WDR49: variants seen among roughly 807,000 people sequenced by gnomAD.
WDR49 encodes cilia- and flagella-associated protein 337.
Under a neutral mutation model 119.5 loss-of-function variants are expected in WDR49, and 107 were observed. The ratio of observed to expected loss-of-function variants is 0.90; its 90% confidence interval spans 0.77 to 1.05. WDR49 has a LOEUF of 1.05. Among genes scored for constraint, WDR49 ranks in the 50% least tolerant of loss-of-function variants. The probability of loss-of-function intolerance (pLI) is 0.00; values close to 1 mark genes in which losing one functional copy is unlikely to be tolerated. For synonymous variants in WDR49, 425 were observed against 418.8 expected, an observed-to-expected ratio of 1.01 and a Z score of -0.18; for missense variants, 1,240 against 1,220.5, an observed-to-expected ratio of 1.02 and a Z score of -0.24.
intron 3 of WDR49, among the ~76,000 whole-genome samples, chr3:167,622,650 T>A (rs1716927453): frequency 6.6e-6 from 1 of 152,122 alleles, no homozygotes; most frequent in African/African-American, 2.4e-5. Flanking sequence ...CTTTCAATGA[T>A]GGATACAACA....
At chr3:167,565,480 G>A (rs1713542873) in intron 8 of WDR49, among the ~76,000 whole-genome samples, 1 of 151,774 alleles carries the variant, frequency 6.6e-6, no homozygotes, top group Admixed American at 6.6e-5. Context: ...ATGATGTTTG[G>A]TGGTAACAAA....
intron 5 of WDR49, among the ~76,000 whole-genome samples, chr3:167,611,914 A>G (rs1014008910): frequency 6.6e-6 from 1 of 152,198 alleles, no homozygotes; most frequent in African/African-American, 2.4e-5. Context: ...CTTCACTTTC[A>G]GCACTGGACA....
intron 7 of WDR49, among the ~76,000 whole-genome samples, chr3:167,593,840 G>A (rs1015115659): frequency 2.0e-5 from 3 of 152,082 alleles, no homozygotes; most frequent in Non-Finnish European, 4.4e-5. Flanking sequence ...CTGGATCATG[G>A]GGGAGGTTCC....
chr3:167,538,059 C>G (rs1404686349), intron 10 of WDR49, among the ~76,000 whole-genome samples: 2 of 152,072 alleles, frequency 1.3e-5, no homozygotes, highest in East Asian at 1.9e-4. Context: ...TATATATACA[C>G]AATGGAACAT....
chr3:167,513,005 T>C (rs1185724489), intron 16 of WDR49, among the ~76,000 whole-genome samples: 1 of 152,050 alleles, frequency 6.6e-6, no homozygotes, highest in Admixed American at 6.6e-5. Flanking sequence ...ACGGAGAGAA[T>C]GGAAACAAGT....
chr3:167,525,854 CA>C (rs1269263924), intron 15 of WDR49, among the ~76,000 whole-genome samples: 41 of 31,734 alleles, frequency 1.3e-3, no homozygotes, highest in Middle Eastern at 0.023. Flanking sequence ...AACAAACAAA[CA>C]AACAACAAAA....
intron 14 of WDR49, among the ~76,000 whole-genome samples, chr3:167,528,707 G>C (rs760466201): frequency 7.9e-5 from 12 of 151,906 alleles, no homozygotes; most frequent in Non-Finnish European, 1.5e-4. Context: ...GACAGAGGGA[G>C]ATCCTGTCTC....
intron 8 of WDR49, chr3:167,575,057 A>G (rs765335875): frequency 1.0e-6 from 1 of 985,422 alleles, no homozygotes; most frequent in Non-Finnish European, 1.2e-6. Flanking sequence ...ATGTGAATGC[A>G]GAAGCTTCTG....
intron 2 of WDR49, among the ~76,000 whole-genome samples, chr3:167,628,367 C>G (rs1199283390): frequency 6.6e-6 from 1 of 152,048 alleles, no homozygotes; most frequent in Non-Finnish European, 1.5e-5. Context: ...ACAAAACAGC[C>G]AAGTTATGAA....
At chr3:167,616,541 C>G (rs7636730) in intron 5 of WDR49, among the ~76,000 whole-genome samples, 39,742 of 151,294 alleles carry the variant, frequency 0.26, 5,533 homozygotes, top group African/African-American at 0.34. Context: ...GTTGGAGAAA[C>G]AAAGATTAGC....
At chr3:167,626,771 C>A in intron 3 of WDR49, 81 bp downstream of exon 3, 1 of 1,116,770 alleles carries the variant, frequency 9.0e-7, no homozygotes, top group Non-Finnish European at 1.1e-6. Flanking sequence ...ATGCAGCTTT[C>A]TGTTACTGCT....
At chr3:167,587,496 T>C (rs1714880151) in intron 7 of WDR49, among the ~76,000 whole-genome samples, 1 of 152,148 alleles carries the variant, frequency 6.6e-6, no homozygotes, top group Non-Finnish European at 1.5e-5. Context: ...TTTCACTTTT[T>C]CTTTTTTGAG....
In WDR49 at chr3:167,620,428, C is replaced by A. The variant is rs1277580786; in HGVS notation, c.958+1G>T. The A allele has an allele frequency of 2.6e-6, 4 of 1,534,072 alleles. No individual in the cohort carries two copies. Among genetic ancestry groups the A allele is most frequent in the Admixed American group, 3.9e-5 (2 of 50,822 alleles). On this transcript the variant is annotated splice_donor_variant, in intron 5 of 18. Transcript: ENST00000682715. LOFTEE classifies it high-confidence loss of function. ...CTTTCATTACTGTTCAAATTCAATA[C>A]CTTGCCTGACCCAATCTCCTTGATG...
rs780461785 is a variant in WDR49 at position 167,560,203 on chromosome 3, G to A, written c.1535C>T (p.Thr512Ile). The A allele has an allele frequency of 6.2e-7, 1 of 1,614,106 alleles. No individual in the cohort carries two copies. Among genetic ancestry groups the A allele is most frequent in the Admixed American group, 1.7e-5 (1 of 60,024 alleles). Residue 512 changes from threonine (T) to isoleucine (I), a missense_variant, in exon 9 of 19, where the codon ACT becomes ATT. Transcript: ENST00000682715. ...KQVISSDTGSTVSFWMIDTGQ... is the reference protein window; with the variant it reads ...KQVISSDTGSIVSFWMIDTGQ... The stretch of plus-strand genomic sequence containing the variant: ...AGTGTCTATCATCCAGAAGGAAACA[G>A]TAGACCCTGTATCAGAGCTGATTAC...
intron 18 of WDR49, among the ~76,000 whole-genome samples, chr3:167,490,102 C>T (rs1235787117): frequency 1.3e-5 from 2 of 152,062 alleles, no homozygotes; most frequent in Non-Finnish European, 2.9e-5. Flanking sequence ...GTCAAATGTC[C>T]TTTTATTTCA....
chr3:167,576,173 C>T, intron 7 of WDR49, 22 bp from the exon 8 acceptor site: 1 of 1,597,680 alleles, frequency 6.3e-7, no homozygotes, highest in Non-Finnish European at 8.6e-7. Context: ...GTGATAAAAT[C>T]ATTTCAATAT....
Position 167,478,814 on chromosome 3 carries a change from C to T in WDR49, c.*64G>A. The stretch of plus-strand genomic sequence containing the variant: ...ATAAAATAAAATAAAAGGCAGAATT[C>T]TTGATGCTTTTTCTGCATTTTATAT... On this transcript the variant is annotated 3_prime_UTR_variant, in exon 19 of 19. Coordinates refer to ENST00000682715, the MANE Select transcript of WDR49 (RefSeq NM_001366157.1). 1 of 1,150,066 alleles carries T rather than the reference C, an allele frequency of 8.7e-7. No homozygotes were observed. 71.2% of individuals were successfully genotyped at this position (1,150,066 alleles called of 1,614,324 possible).
intron 8 of WDR49, among the ~76,000 whole-genome samples, chr3:167,573,267 C>T (rs1379335829): frequency 2.6e-5 from 4 of 152,102 alleles, no homozygotes; most frequent in Admixed American, 2.6e-4. Context: ...CTCAGACAGG[C>T]TAAGCAGTCT....
chr3:167,516,007 T>C (rs932995423), intron 16 of WDR49, among the ~76,000 whole-genome samples: 5 of 152,168 alleles, frequency 3.3e-5, no homozygotes, highest in African/African-American at 1.2e-4. Flanking sequence ...TGGAAAAACA[T>C]TTCATGATCA....
Sources: gnomAD v4.1 joint callset for allele counts (sites outside exome capture counted in the v4.1 genomes callset) on GRCh38, gnomAD v4.1.1 for gene constraint, MANE v1.5 for transcripts, NCBI Gene and HGNC (gene_info 2026-07-23, HGNC 2026-07-21) for gene names.